Variants in MYH7B observed in about 807,000 individuals in gnomAD.
The protein encoded by MYH7B is myosin heavy chain 7B.
MYH7B carries 205 observed loss-of-function variants against 234.5 expected under a neutral mutation model. That is an observed-to-expected ratio of 0.87 (90% CI 0.78 to 0.98). The LOEUF is 0.98. Ranked by LOEUF, MYH7B falls within the 50% of genes least tolerant of loss-of-function variation. MYH7B has a pLI of 0.00. For missense variants in MYH7B, 2,652 were observed against 2,633.4 expected, an observed-to-expected ratio of 1.01 and a Z score of -0.15; for synonymous variants, 1,193 against 1,105.0, an observed-to-expected ratio of 1.08 and a Z score of -1.58.
chr20:34,993,289 C>G, intron 25 of MYH7B, 45 bp from the exon 26 acceptor site: 1 of 1,613,992 alleles, frequency 6.2e-7, no homozygotes. Context: ...AGGGTTCATG[C>G]GGATGGTTGG....
exon 45 of MYH7B, chr20:35,002,420 G>GTTAT (rs773485942): frequency 3.4e-4 from 144 of 421,248 alleles, no homozygotes; most frequent in Middle Eastern, 6.1e-4. Context: ...TTAAAATAAA[G>GTTAT]TTATTTAATA....
exon 34 of MYH7B, chr20:34,998,514 A>G (rs775994756): frequency 6.2e-7 from 1 of 1,613,230 alleles, no homozygotes; most frequent in Non-Finnish European, 8.5e-7. Flanking sequence ...CCTGCAGGGG[A>G]GCTGAGTCGC....
At chr20:34,959,766 C>T (rs1334358359) in intron 2 of MYH7B, among the ~76,000 whole-genome samples, 3 of 152,266 alleles carry the variant, frequency 2.0e-5, no homozygotes, top group Admixed American at 6.5e-5. Context: ...TGTGAGCCAC[C>T]GCGCCTGGCT....
exon 7 of MYH7B, chr20:34,979,785 ATGC>A (rs1569035129): frequency 6.2e-7 from 1 of 1,613,744 alleles, no homozygotes; most frequent in Non-Finnish European, 8.5e-7. Context: ...CGCCAGCGCT[ATGC>A]CCGCTGGATG....
intron 27 of MYH7B, among the ~76,000 whole-genome samples, chr20:34,994,995 C>T (rs1348658834): frequency 1.3e-5 from 2 of 152,250 alleles, no homozygotes; most frequent in African/African-American, 4.8e-5. Flanking sequence ...CCTCCAGGAG[C>T]CCGTCCGTGG....
intron 27 of MYH7B, among the ~76,000 whole-genome samples, chr20:34,994,940 G>A (rs138979995): frequency 6.6e-6 from 1 of 152,252 alleles, no homozygotes; most frequent in Non-Finnish European, 1.5e-5. Context: ...CAGCTGGACA[G>A]TAAGGAAATG....
At chr20:34,999,963 T>A in intron 38 of MYH7B, 57 bp downstream of exon 38, 3 of 1,439,364 alleles carry the variant, frequency 2.1e-6, no homozygotes, top group African/African-American at 1.4e-5. Flanking sequence ...AGGGAAGCAG[T>A]GTGTACTCTG....
chr20:34,987,635 T>C (rs750330627), exon 17 of MYH7B: 1 of 1,614,024 alleles, frequency 6.2e-7, no homozygotes, highest in Non-Finnish European at 8.5e-7. Flanking sequence ...CGGGTGCGTG[T>C]AGGGAACGAG....
chr20:34,986,908 C>T, exon 15 of MYH7B: 3 of 1,614,110 alleles, frequency 1.9e-6, no homozygotes, highest in Non-Finnish European at 2.5e-6. Flanking sequence ...TGTCTATGAA[C>T]CCCTATGACT....
exon 29 of MYH7B, chr20:34,996,432 C>T (rs2082258907): frequency 6.2e-7 from 1 of 1,613,410 alleles, no homozygotes; most frequent in Non-Finnish European, 8.5e-7. Flanking sequence ...AGGAGGCCCA[C>T]CAACAGGCCC....
At chr20:34,955,882 G>A (rs1255562356) in exon 1 of MYH7B, 1 of 152,416 alleles carries the variant, frequency 6.6e-6, no homozygotes, top group African/African-American at 2.4e-5. Context: ...TTGGCGCTGA[G>A]TCGAGGCCAG....
chr20:34,999,657 G>A (rs1177758329), exon 37 of MYH7B: 2 of 1,613,626 alleles, frequency 1.2e-6, no homozygotes, highest in Non-Finnish European at 1.7e-6. Flanking sequence ...GCTGGAAGGC[G>A]AGAAGAGTGA....
chr20:35,000,674 CCTT>C, exon 39 of MYH7B: 5 of 1,591,518 alleles, frequency 3.1e-6, no homozygotes, highest in South Asian at 1.1e-5. Context: ...AGCGCCTCAA[CCTT>C]CTGCATTCGC....
At position 34,999,554 on chromosome 20, in the gene MYH7B, C is replaced by A; in HGVS notation, c.4541-17C>A. ...ACAAGCCATGGGGGTGGCCTCTCAG[C>A]ACCCTGTCCACTGCAGAGGAGATCA... On this transcript the variant is annotated splice_polypyrimidine_tract_variant and intron_variant, in intron 36 of 44. Coordinates refer to ENST00000262873, the Ensembl canonical transcript of MYH7B. The A allele has an allele frequency of 6.3e-7, 1 of 1,583,534 alleles. No homozygotes were observed. Among genetic ancestry groups the A allele is most frequent in the Non-Finnish European group, 8.6e-7 (1 of 1,164,932 alleles).
At chr20:34,981,124 C>T in intron 9 of MYH7B, 64 bp downstream of exon 9, 1 of 1,589,652 alleles carries the variant, frequency 6.3e-7, no homozygotes, top group Non-Finnish European at 8.6e-7. Flanking sequence ...GAGGGCGGTA[C>T]CACAGTCATT....
At chr20:34,991,058 A>G in exon 24 of MYH7B, 1 of 1,613,872 alleles carries the variant, frequency 6.2e-7, no homozygotes, top group South Asian at 1.1e-5. Flanking sequence ...GGGGTCCTGG[A>G]GGGGATCCGG....
exon 18 of MYH7B, chr20:34,987,894 G>A (rs376103118): frequency 1.2e-5 from 20 of 1,604,478 alleles, no homozygotes; most frequent in African/African-American, 4.0e-5. Flanking sequence ...TCTGGACATC[G>A]CTGGGTTTGA....
intron 4 of MYH7B, 59 bp from the exon 5 acceptor site, chr20:34,977,875 G>T: frequency 6.2e-7 from 1 of 1,605,640 alleles, no homozygotes; most frequent in Non-Finnish European, 8.5e-7. Context: ...CTAGTATCTG[G>T]TCTTGTGGGT....
intron 32 of MYH7B, 96 bp downstream of exon 32, chr20:34,997,736 C>T: frequency 2.1e-6 from 3 of 1,453,302 alleles, no homozygotes; most frequent in South Asian, 1.3e-5. Context: ...CCACCCAGTA[C>T]CTTATCCTGA....
Sources: gnomAD v4.1 joint callset for allele counts (sites outside exome capture counted in the v4.1 genomes callset) on GRCh38, gnomAD v4.1.1 for gene constraint, MANE v1.5 for transcripts, NCBI Gene and HGNC (gene_info 2026-07-23, HGNC 2026-07-21) for gene names.